The following TRDN variants were observed in gnomAD, a reference collection of about 807,000 sequenced individuals.
The protein encoded by TRDN is triadin, also known as triadin in skeletal muscle.
A neutral mutation model predicts 149.7 loss-of-function variants in TRDN; 161 were observed. The ratio of observed to expected loss-of-function variants is 1.08; its 90% CI spans 0.95 to 1.23. The LOEUF (loss-of-function observed/expected upper bound fraction) is 1.23. Ranked by LOEUF, TRDN falls within the 50% of genes most tolerant of loss-of-function variation. The pLI, the probability that TRDN is intolerant of heterozygous loss-of-function variation, is 0.00. For missense variants in TRDN, 896 were observed against 823.5 expected (o/e 1.09, Z -1.08); for synonymous variants, 294 against 250.5 (o/e 1.17, Z -1.64).
At chr6:123,609,083 G>C (rs1187654043) in intron 1 of TRDN, among the ~76,000 whole-genome samples, 1 of 152,018 alleles carries the variant, frequency 6.6e-6, no homozygotes, top group Non-Finnish European at 1.5e-5. Flanking sequence ...TGAGGCAGGA[G>C]AATCACTTGA....
intron 29 of TRDN, 43 bp downstream of exon 29, chr6:123,272,921 A>T (rs1277993004): frequency 2.2e-6 from 3 of 1,362,918 alleles, no homozygotes; most frequent in Non-Finnish European, 3.0e-6. Context: ...AAATTAGAAC[A>T]TTGAGAGGTT....
At chr6:123,279,501 A>G (rs554547716) in intron 24 of TRDN, among the ~76,000 whole-genome samples, 2 of 152,026 alleles carry the variant, frequency 1.3e-5, no homozygotes, top group Non-Finnish European at 2.9e-5. Flanking sequence ...TGCATCAACA[A>G]ATATTTGAAT....
chr6:123,239,786 G>C (rs534754285), intron 38 of TRDN, among the ~76,000 whole-genome samples: 125 of 151,964 alleles, frequency 8.2e-4, no homozygotes, highest in African/African-American at 2.9e-3. Flanking sequence ...ACATACATAT[G>C]TAAAAGTAGA....
chr6:123,530,323 T>C (rs1780178192), intron 5 of TRDN, among the ~76,000 whole-genome samples, 183 bp downstream of exon 5: 1 of 144,796 alleles, frequency 6.9e-6, no homozygotes, highest in African/African-American at 2.5e-5. Context: ...TTATTTATGT[T>C]ATTTATACAT....
intron 12 of TRDN, among the ~76,000 whole-genome samples, chr6:123,417,304 A>G (rs1361785050): frequency 3.4e-5 from 5 of 148,660 alleles, no homozygotes; most frequent in South Asian, 2.1e-4. Flanking sequence ...CTAAAATCCT[A>G]CAATATAAAA....
At chr6:123,508,203 A>G (rs551577492) in intron 7 of TRDN, among the ~76,000 whole-genome samples, 1 of 152,292 alleles carries the variant, frequency 6.6e-6, no homozygotes, top group East Asian at 1.9e-4. Flanking sequence ...TTTCATTATT[A>G]TTTTACATTT....
In TRDN at chr6:123,351,888, C is replaced by T. The variant is rs963145378; in HGVS notation, c.1369+651G>A. 3.0e-6 allele frequency: 3 copies of T among 984,698 alleles called. No homozygotes were observed. In the African/African-American group the frequency reaches 5.2e-5, roughly 17 times the overall value. The allele number at this position is 984,698 out of a possible 1,614,324, so 61.0% of individuals were successfully genotyped here. On this transcript the variant is annotated intron_variant, in intron 21 of 40. Transcript: ENST00000334268. ...TTGAGCTCTAAGAGAAGCCACATCA[C>T]TTTAAATGTTTTAAGTTTAGTGTAC...
chr6:123,409,371 A>G (rs1773337801), intron 12 of TRDN, among the ~76,000 whole-genome samples: 1 of 152,198 alleles, frequency 6.6e-6, no homozygotes, highest in Admixed American at 6.5e-5. Flanking sequence ...AAAGAACATA[A>G]ATATTGCAGT....
intron 31 of TRDN, 102 bp downstream of exon 31, chr6:123,269,747 A>C: frequency 1.7e-6 from 2 of 1,150,878 alleles, no homozygotes; most frequent in Non-Finnish European, 2.5e-6. Context: ...TTAGACACAG[A>C]CAACACTGAA....
chr6:123,394,316 AC>A (rs1725454373), intron 12 of TRDN, among the ~76,000 whole-genome samples: 1 of 152,130 alleles, frequency 6.6e-6, no homozygotes, highest in Non-Finnish European at 1.5e-5. Context: ...TTAAAAAAAA[AC>A]TTATATGATA....
chr6:123,410,945 T>G (rs2114512817), intron 12 of TRDN, among the ~76,000 whole-genome samples: 1 of 151,930 alleles, frequency 6.6e-6, no homozygotes. Context: ...TTATACCCAA[T>G]ACTAATATAA....
At chr6:123,555,296 C>G (rs1781586853) in intron 2 of TRDN, among the ~76,000 whole-genome samples, 1 of 151,976 alleles carries the variant, frequency 6.6e-6, no homozygotes, top group African/African-American at 2.4e-5. Context: ...AGCCAAATGC[C>G]TTTTTTTCTC....
At chr6:123,494,825 C>T (rs1321397939) in intron 9 of TRDN, among the ~76,000 whole-genome samples, 11 of 152,040 alleles carry the variant, frequency 7.2e-5, no homozygotes, top group South Asian at 6.2e-4. Context: ...ATTCTCTCTC[C>T]CAGGTTCAAG....
chr6:123,337,599 TATTAA>T lies in TRDN; in HGVS notation c.1420+15_1420+19del. 4 of 1,188,070 alleles carry T rather than the reference TATTAA, an allele frequency of 3.4e-6. No homozygotes were observed. The highest frequency in any genetic ancestry group is 4.6e-6 in the Non-Finnish European group (4 of 867,210). 73.6% of individuals were successfully genotyped at this position (1,188,070 alleles called of 1,614,324 possible). A position where few individuals can be genotyped will look rare whatever the true frequency, so the allele number is the denominator to read the frequency against. On this transcript the variant is annotated intron_variant, in intron 22 of 40. Transcript: ENST00000334268. Reference sequence around the variant, plus strand: ...ATTTCCTAATAAATTTGTAATATTATATTAAATTAACTCTGTTACCTTTATCTTTC... The same window carrying T: ...ATTTCCTAATAAATTTGTAATATTATATTAACTCTGTTACCTTTATCTTTC...
chr6:123,522,477 A>AC (rs1779731023), intron 5 of TRDN, among the ~76,000 whole-genome samples: 1 of 111,532 alleles, frequency 9.0e-6, no homozygotes, highest in Non-Finnish European at 1.8e-5. Context: ...ATACATTACT[A>AC]TTTTTCTCCA....
chr6:123,280,391 G>A (rs1181603010), intron 24 of TRDN, among the ~76,000 whole-genome samples: 4 of 151,936 alleles, frequency 2.6e-5, no homozygotes, highest in Admixed American at 6.6e-5. Context: ...CTTTGTCTTC[G>A]GTACCGTGTT....
intron 9 of TRDN, among the ~76,000 whole-genome samples, chr6:123,495,147 G>A (rs915899857): frequency 6.6e-6 from 1 of 152,014 alleles, no homozygotes; most frequent in South Asian, 2.1e-4. Context: ...CCAACCTCCT[G>A]GGCCCAAGCA....
chr6:123,541,888 C>T (rs1233180458), intron 4 of TRDN, among the ~76,000 whole-genome samples: 3 of 152,172 alleles, frequency 2.0e-5, no homozygotes, highest in African/African-American at 4.8e-5. Flanking sequence ...CTGACACACA[C>T]ATACGTCTAT....
chr6:123,353,787 A>G (rs1780555325), intron 20 of TRDN, among the ~76,000 whole-genome samples: 1 of 151,736 alleles, frequency 6.6e-6, no homozygotes, highest in Non-Finnish European at 1.5e-5. Context: ...AAAGTAACCT[A>G]TTATTTTACC....
Sources: allele counts gnomAD v4.1 joint callset (sites outside exome capture counted in the v4.1 genomes callset), GRCh38; gene constraint gnomAD v4.1.1; transcripts MANE v1.5; gene names NCBI Gene and HGNC (gene_info 2026-07-23, HGNC 2026-07-21).